Variants in CLSPN observed in about 807,000 individuals in gnomAD.
CLSPN encodes the protein claspin homolog.
CLSPN carries 85 observed loss-of-function variants against 156.3 expected under a neutral mutation model. The ratio of observed to expected loss-of-function variants is 0.54; its 90% CI spans 0.46 to 0.65. The LOEUF (loss-of-function observed/expected upper bound fraction) is 0.65, where lower values mean the gene tolerates loss of function less well. Ranked by LOEUF, CLSPN falls within the 30% of genes least tolerant of loss-of-function variation. The pLI, the probability that CLSPN is intolerant of heterozygous loss-of-function variation, is 0.00. For missense variants in CLSPN, 1,407 were observed against 1,554.9 expected, an observed-to-expected ratio of 0.90 and a Z score of 1.60; for synonymous variants, 534 against 542.4, an observed-to-expected ratio of 0.98 and a Z score of 0.22.
chr1:35,742,816 G>A (rs1174642863), intron 18 of CLSPN, among the ~76,000 whole-genome samples: 2 of 148,482 alleles, frequency 1.3e-5, no homozygotes, highest in African/African-American at 5.0e-5. Context: ...GTGCGATCTC[G>A]GCTCACTGCA....
rs1641397839 is a variant in CLSPN at position 35,734,554 on chromosome 1, G to A, written c.*1942C>T. On this transcript the variant is annotated 3_prime_UTR_variant, in exon 25 of 25. Transcript: ENST00000318121. ...AAATTAGCTGGGAGTGGTGGCAGGT[G>A]CCTGTAATCCCTGCTATTTGGGAGG... 1.4e-5 allele frequency: 4 copies of A among 288,062 alleles called. No homozygotes were observed. Among genetic ancestry groups the A allele is most frequent in the Non-Finnish European group, 2.1e-5 (4 of 192,838 alleles). The allele number at this position is 288,062 out of a possible 1,614,324, so 17.8% of individuals were successfully genotyped here.
In CLSPN at chr1:35,763,165, G is replaced by T; in HGVS notation, c.739C>A (p.His247Asn). 6.4e-7 allele frequency: 1 copy of T among 1,565,372 alleles called. No homozygotes were observed. The highest frequency in any genetic ancestry group is 1.2e-5 in the South Asian group (1 of 83,008). The stretch of plus-strand genomic sequence containing the variant: ...TGCAATCATGCTTTACTTGCCTTGT[G>T]CTTTTTTACTTTGTTTTTTACAGCT... ...RAAVKNKVKK[H>N]KKKEPSLESG... is the part of the protein sequence containing the mutation. Residue 247 changes from histidine (H) to asparagine (N), a missense_variant, in exon 4 of 25, where the codon CAC becomes AAC. This residue lies in a region of CLSPN where 1,096 missense variants were observed against 1,193.0 expected (regional missense o/e 0.92). Transcript: ENST00000318121.
chr1:35,747,151 T>A (rs1035872887), intron 14 of CLSPN, among the ~76,000 whole-genome samples, 159 bp from the exon 15 acceptor site: 23 of 151,956 alleles, frequency 1.5e-4, no homozygotes, highest in Admixed American at 1.4e-3. Context: ...TGAAACCCCG[T>A]CTCTACTAAA....
rs1295290739 is a variant in CLSPN at position 35,769,930 on chromosome 1, A to G, written c.-60T>C. The G allele has an allele frequency of 1.9e-5, 30 of 1,588,098 alleles. No individual in the cohort carries two copies. The highest frequency in any genetic ancestry group is 2.4e-5 in the Non-Finnish European group (28 of 1,164,316). ...AGCTGTCTCTGATTCCCTCAGCCGG[A>G]GAGCAGCGGCTCCCGCCGTCTCCAG... is the stretch of plus-strand genomic sequence containing the variant. On this transcript the variant is annotated 5_prime_UTR_variant, in exon 1 of 25. Transcript: ENST00000318121.
At position 35,735,650 on chromosome 1, in the gene CLSPN, G is replaced by A. The variant is rs902164986; in HGVS notation, c.*846C>T. 1.5e-5 allele frequency: 13 copies of A among 877,936 alleles called. No homozygotes were observed. Among genetic ancestry groups the A allele is most frequent in the South Asian group, 1.0e-4 (2 of 19,058 alleles). The allele number at this position is 877,936 out of a possible 1,614,324, so 54.4% of individuals were successfully genotyped here. On this transcript the variant is annotated 3_prime_UTR_variant, in exon 25 of 25. Transcript: ENST00000318121. ...TTGAACCCGGGAGGCAGAGGTTGCC[G>A]TGAGCCGAGATTGCGCCACTGCACT...
intron 9 of CLSPN, among the ~76,000 whole-genome samples, chr1:35,751,880 G>A (rs897612832): frequency 1.3e-5 from 2 of 152,088 alleles, no homozygotes; most frequent in Non-Finnish European, 2.9e-5. Context: ...GGCAGTTCAC[G>A]AAAAATAAAC....
chr1:35,730,785 G>C (rs1406152935), downstream of CLSPN, among the ~76,000 whole-genome samples: 2 of 152,006 alleles, frequency 1.3e-5, no homozygotes, highest in East Asian at 3.9e-4. Context: ...GCTTGAACGG[G>C]GGAGACAAAG....
Position 35,734,685 on chromosome 1 carries a change from AAAAAAG to A in CLSPN, c.*1805_*1810del. The A allele has an allele frequency of 1.1e-6, 1 of 918,254 alleles. No individual in the cohort carries two copies. Among genetic ancestry groups the A allele is most frequent in the Non-Finnish European group, 1.3e-6 (1 of 769,294 alleles). The allele number at this position is 918,254 out of a possible 1,614,324, so 56.9% of individuals were successfully genotyped here. A position where few individuals can be genotyped will look rare whatever the true frequency, so the allele number is the denominator to read the frequency against. The stretch of plus-strand genomic sequence containing the variant: ...AGAGCCAGCCTATGTCTCAAAAAAA[AAAAAAG>A]AAAAGAAAAGAAAAGAAAAAGAAAA... On this transcript the variant is annotated 3_prime_UTR_variant, in exon 25 of 25. Transcript: ENST00000318121.
Position 35,749,787 on chromosome 1 carries a change from C to T in CLSPN, c.2053G>A (p.Glu685Lys). The T allele has an allele frequency of 6.2e-7, 1 of 1,613,984 alleles. No individual in the cohort carries two copies. The highest frequency in any genetic ancestry group is 8.5e-7 in the Non-Finnish European group (1 of 1,179,944). The change falls in exon 11 of 25, where the codon GAA becomes AAA. Residue 685 changes from glutamate (E) to lysine (K), a missense_variant. Glu to Lys is a moderately conservative substitution (Grantham distance 56). Coordinates refer to ENST00000318121, the MANE Select transcript of CLSPN (RefSeq NM_022111.4). ...TTTTCATCTTTTGTTTCTATTTCTT[C>T]ACTACTAAGAAGGAATTCTGCAGTC... ...QETAEFLLSSEEIETKDEKEM... is the reference protein window; with the variant it reads ...QETAEFLLSSKEIETKDEKEM...
In CLSPN at chr1:35,736,411, C is replaced by T; in HGVS notation, c.*85G>A. 6.8e-7 allele frequency: 1 copy of T among 1,475,650 alleles called. No homozygotes were observed. The highest frequency in any genetic ancestry group is 1.4e-5 in the African/African-American group (1 of 70,448). The allele number at this position is 1,475,650 out of a possible 1,614,324, so 91.4% of individuals were successfully genotyped here. ...CATTGATTATGAAAGAAGGAAGGATCATTGGCTGGAGTGTCAATTCCAACT... is the reference window on the plus strand; with the variant it reads ...CATTGATTATGAAAGAAGGAAGGATTATTGGCTGGAGTGTCAATTCCAACT... On this transcript the variant is annotated 3_prime_UTR_variant, in exon 25 of 25. Transcript: ENST00000318121.
chr1:35,764,464 C>T lies in CLSPN; in HGVS notation c.384G>A (p.Val128=). 1 of 1,614,148 alleles carries T rather than the reference C, an allele frequency of 6.2e-7. No homozygotes were observed. Among genetic ancestry groups the T allele is most frequent in the African/African-American group, 1.3e-5 (1 of 75,070 alleles). The change falls in exon 3 of 25, where the codon GTG becomes GTA. Residue 128 remains valine, a synonymous_variant. Coordinates refer to ENST00000318121, the MANE Select transcript of CLSPN (RefSeq NM_022111.4). The stretch of plus-strand genomic sequence containing the variant: ...GAAGACTCAGCTCTAAGCAAGGTTT[C>T]ACTTGCGCTTCAAGATTTTCCTGAT... ...SLYQENLEAQ[V]KPCLELSLQS... is the part of the protein sequence containing the mutation.
intron 1 of CLSPN, among the ~76,000 whole-genome samples, chr1:35,766,740 G>A (rs1016102808): frequency 1.1e-4 from 16 of 151,846 alleles, no homozygotes; most frequent in African/African-American, 2.4e-4. Context: ...CACCACGCCC[G>A]GCTATATGTA....
At chr1:35,725,290 G>A (rs1641151154) in intron 24 of CLSPN, among the ~76,000 whole-genome samples, 1 of 152,130 alleles carries the variant, frequency 6.6e-6, no homozygotes, top group African/African-American at 2.4e-5. Context: ...GGAGCTGCTG[G>A]AAGAATGAAA....
intron 9 of CLSPN, among the ~76,000 whole-genome samples, chr1:35,752,152 C>G (rs1377296136): frequency 6.6e-6 from 1 of 152,080 alleles, no homozygotes; most frequent in East Asian, 1.9e-4. Context: ...TAATATACCA[C>G]CATATATCTG....
At chr1:35,756,164 G>A (rs1642265881) in intron 8 of CLSPN, among the ~76,000 whole-genome samples, 1 of 152,078 alleles carries the variant, frequency 6.6e-6, no homozygotes, top group Non-Finnish European at 1.5e-5. Context: ...TCTAAAGGAT[G>A]GTATGTTTAC....
intron 3 of CLSPN, among the ~76,000 whole-genome samples, chr1:35,763,880 G>T (rs570999385): frequency 6.6e-6 from 1 of 150,504 alleles, no homozygotes; most frequent in South Asian, 2.1e-4. Flanking sequence ...TTGCAGCCTC[G>T]ACTTCCTGGG....
chr1:35,761,749 C>T (rs1267482307), intron 6 of CLSPN, among the ~76,000 whole-genome samples: 1 of 152,140 alleles, frequency 6.6e-6, no homozygotes, highest in Non-Finnish European at 1.5e-5. Context: ...AATCCTGACA[C>T]AATCAGTCCA....
At chr1:35,765,992 C>CTT (rs1324335666) in intron 1 of CLSPN, among the ~76,000 whole-genome samples, 15 of 41,528 alleles carry the variant, frequency 3.6e-4, no homozygotes, top group African/African-American at 1.4e-3. Flanking sequence ...CTCTCTCTCT[C>CTT]TCTTTTTTTT....
chr1:35,724,028 T>A (rs1269252918), intron 24 of CLSPN, among the ~76,000 whole-genome samples: 1 of 151,960 alleles, frequency 6.6e-6, no homozygotes, highest in East Asian at 1.9e-4. Context: ...GCTATAACAA[T>A]GTAATGGGCC....
Sources: allele counts gnomAD v4.1 joint callset (sites outside exome capture counted in the v4.1 genomes callset), GRCh38; gene constraint gnomAD v4.1.1; regional missense constraint gnomAD v4.1.1; transcripts MANE v1.5; gene names NCBI Gene and HGNC (gene_info 2026-07-23, HGNC 2026-07-21).